BLOC1S6: variants seen among roughly 807,000 people sequenced by gnomAD.
The protein encoded by BLOC1S6 is biogenesis of lysosome-related organelles complex 1 subunit 6.
BLOC1S6 carries 24 observed loss-of-function variants against 24.7 expected under a neutral mutation model. That is an observed-to-expected ratio of 0.97 (90% CI 0.70 to 1.37). BLOC1S6 has a LOEUF of 1.37. BLOC1S6 is among the 40% of genes most tolerant of loss of function. BLOC1S6 has a pLI of 0.00. For synonymous variants in BLOC1S6, 76 were observed against 72.6 expected, an observed-to-expected ratio of 1.05 and a Z score of -0.23; for missense variants, 175 against 196.2, an observed-to-expected ratio of 0.89 and a Z score of 0.64.
At chr15:45,605,572 T>C (rs1234284491) in intron 4 of BLOC1S6, 58 bp downstream of exon 4, 1 of 1,296,430 alleles carries the variant, frequency 7.7e-7, no homozygotes, top group African/African-American at 1.6e-5. Flanking sequence ...TGTTTTTTGT[T>C]GTTTTTTTTT....
chr15:45,602,884 A>G (rs1049129440), intron 2 of BLOC1S6, among the ~76,000 whole-genome samples: 3 of 152,248 alleles, frequency 2.0e-5, no homozygotes, highest in African/African-American at 7.2e-5. Context: ...TAGTTATTAG[A>G]AATTGAAGCA....
rs774771057 is a variant in BLOC1S6 at position 45,609,522 on chromosome 15, AT to A, written c.*3011del. ...CTAAAATGATGGGAGTTCATTTTGT[AT>A]TTACTTTGCAGTAAGTATCATGTAA... is the stretch of plus-strand genomic sequence containing the variant. On this transcript the variant is annotated 3_prime_UTR_variant, in exon 5 of 5. Coordinates refer to ENST00000220531, the MANE Select transcript of BLOC1S6 (RefSeq NM_012388.4). 1.3e-5 allele frequency: 2 copies of A among 152,188 alleles called. No individual in the cohort carries two copies. The highest frequency in any genetic ancestry group is 2.4e-5 in the African/African-American group (1 of 41,456). The allele number at this position is 152,188 out of a possible 1,614,324, so 9.4% of individuals were successfully genotyped here.
Position 45,606,666 on chromosome 15 carries a change from GTAGCAGAC to G in BLOC1S6, c.*153_*160del, listed in dbSNP as rs1187099712. 1.9e-6 allele frequency: 2 copies of G among 1,029,512 alleles called. No individual in the cohort carries two copies. Among genetic ancestry groups the G allele is most frequent in the Non-Finnish European group, 1.5e-6 (1 of 685,106 alleles). The allele number at this position is 1,029,512 out of a possible 1,614,324, so 63.8% of individuals were successfully genotyped here. A position where few individuals can be genotyped will look rare whatever the true frequency, so the allele number is the denominator to read the frequency against. On this transcript the variant is annotated 3_prime_UTR_variant, in exon 5 of 5. Coordinates refer to ENST00000220531, the MANE Select transcript of BLOC1S6 (RefSeq NM_012388.4). Reference sequence around the variant, plus strand: ...CTGTGTCTCCATGCCTTTTTTCCAAGTAGCAGACGTCATGTTGCATGGTTTTTGATATT... The same window carrying G: ...CTGTGTCTCCATGCCTTTTTTCCAAGGTCATGTTGCATGGTTTTTGATATT...
chr15:45,597,455 T>A (rs2140910187), intron 2 of BLOC1S6, among the ~76,000 whole-genome samples: 1 of 152,282 alleles, frequency 6.6e-6, no homozygotes, highest in East Asian at 1.9e-4. Context: ...CCAGCTTGGG[T>A]GACAAAGTGA....
At chr15:45,603,748 G>A (rs529500376) in intron 3 of BLOC1S6, among the ~76,000 whole-genome samples, 1 of 152,052 alleles carries the variant, frequency 6.6e-6, no homozygotes, top group Non-Finnish European at 1.5e-5. Flanking sequence ...CGAACTGGAA[G>A]TAATGAACCT....
chr15:45,597,756 G>A (rs1894129094), intron 2 of BLOC1S6: 1 of 193,620 alleles, frequency 5.2e-6, no homozygotes, highest in African/African-American at 2.4e-5. Context: ...ATTAGTTTCA[G>A]GAGGTTTCTT....
At chr15:45,604,358 G>A (rs1264406891) in intron 3 of BLOC1S6, among the ~76,000 whole-genome samples, 2 of 152,188 alleles carry the variant, frequency 1.3e-5, no homozygotes, top group Non-Finnish European at 2.9e-5. Context: ...GAGGCCTGTG[G>A]AAGTAAATAC....
chr15:45,590,859 A>G (rs1050593388), intron 1 of BLOC1S6, among the ~76,000 whole-genome samples: 4 of 152,360 alleles, frequency 2.6e-5, no homozygotes, highest in African/African-American at 4.8e-5. Context: ...GAGATGTTTC[A>G]GAGTTTAATA....
At position 45,606,567 on chromosome 15, in the gene BLOC1S6, C is replaced by T. The variant is rs1177587465; in HGVS notation, c.*53C>T. On this transcript the variant is annotated 3_prime_UTR_variant, in exon 5 of 5. Coordinates refer to ENST00000220531, the MANE Select transcript of BLOC1S6 (RefSeq NM_012388.4). The stretch of plus-strand genomic sequence containing the variant: ...CTGTCCCATATTTGGGTTATGATGA[C>T]TCAAGTGTAGACTGAAGTTGAGGTA... The T allele has an allele frequency of 5.0e-6, 8 of 1,613,146 alleles. No individual in the cohort carries two copies. Among genetic ancestry groups the T allele is most frequent in the Non-Finnish European group, 6.8e-6 (8 of 1,179,374 alleles).
At chr15:45,600,567 AT>A (rs1409123163) in intron 2 of BLOC1S6, among the ~76,000 whole-genome samples, 2 of 151,980 alleles carry the variant, frequency 1.3e-5, no homozygotes, top group Non-Finnish European at 2.9e-5. Context: ...GGACCATGTA[AT>A]TTTTCTTCTT....
At chr15:45,594,206 AG>A (rs1223658652) in intron 2 of BLOC1S6, among the ~76,000 whole-genome samples, 1 of 152,204 alleles carries the variant, frequency 6.6e-6, no homozygotes, top group Non-Finnish European at 1.5e-5. Context: ...AGTGGTAGGT[AG>A]GGATTAAGTT....
intron 2 of BLOC1S6, chr15:45,601,532 A>G (rs1447650226): frequency 2.0e-5 from 3 of 152,184 alleles, no homozygotes; most frequent in African/African-American, 7.2e-5. Flanking sequence ...CACATTATCA[A>G]ATTTATGAGC....
intron 2 of BLOC1S6, chr15:45,602,397 A>G: frequency 1.5e-6 from 1 of 668,080 alleles, no homozygotes; most frequent in South Asian, 1.6e-5. Flanking sequence ...TTTTAATGTC[A>G]CTTATTCCTG....
At chr15:45,587,242 C>T (rs1194213056), upstream of BLOC1S6, 9 of 627,678 alleles carry the variant, frequency 1.4e-5, no homozygotes, top group Non-Finnish European at 2.6e-5. Context: ...GGCCAGACGA[C>T]GATATCAGCG....
intron 4 of BLOC1S6, 56 bp downstream of exon 4, chr15:45,605,570 G>A: frequency 1.1e-6 from 1 of 889,670 alleles, no homozygotes; most frequent in South Asian, 1.8e-5. Context: ...ATTGTTTTTT[G>A]TTGTTTTTTT....
chr15:45,598,103 T>C (rs1015997150), intron 2 of BLOC1S6: 6 of 155,884 alleles, frequency 3.8e-5, no homozygotes, highest in Non-Finnish European at 5.7e-5. Context: ...ATTATCTCAA[T>C]AGATGCAAAA....
At chr15:45,604,537 C>A (rs1894384763) in intron 3 of BLOC1S6, among the ~76,000 whole-genome samples, 1 of 152,148 alleles carries the variant, frequency 6.6e-6, no homozygotes, top group African/African-American at 2.4e-5. Flanking sequence ...TTGCTTTAGT[C>A]TGAAGGGGCA....
chr15:45,603,063 A>G, intron 2 of BLOC1S6, 37 bp from the exon 3 acceptor site: 1 of 1,381,716 alleles, frequency 7.2e-7, no homozygotes, highest in Non-Finnish European at 1.0e-6. Flanking sequence ...CACTTTAAAT[A>G]TGTAGAGTTT....
At chr15:45,593,386 GAAAAAAAAA>G (rs59495378) in intron 2 of BLOC1S6, among the ~76,000 whole-genome samples, 1 of 63,332 alleles carries the variant, frequency 1.6e-5, no homozygotes, top group African/African-American at 4.3e-5. Context: ...CTCTGTCTCC[GAAAAAAAAA>G]AAAAAAAAAA....
Sources: allele counts gnomAD v4.1 joint callset (sites outside exome capture counted in the v4.1 genomes callset), GRCh38; gene constraint gnomAD v4.1.1; transcripts MANE v1.5; gene names NCBI Gene and HGNC (gene_info 2026-07-23, HGNC 2026-07-21).